CCDC158: variants seen among roughly 807,000 people sequenced by gnomAD.
CCDC158 encodes the protein coiled-coil domain containing 158.
Under a neutral mutation model 138.6 loss-of-function variants are expected in CCDC158, and 116 were observed. That is an observed-to-expected ratio of 0.84 (90% CI 0.72 to 0.98). CCDC158 has a LOEUF of 0.98. CCDC158 is among the 50% of genes least tolerant of loss of function. CCDC158 has a pLI of 0.00. For synonymous variants in CCDC158, 436 were observed against 442.4 expected, an observed-to-expected ratio of 0.99 and a Z score of 0.18; for missense variants, 1,265 against 1,306.1, an observed-to-expected ratio of 0.97 and a Z score of 0.48.
At chr4:76,376,959 T>G (rs1725776324) in intron 9 of CCDC158, among the ~76,000 whole-genome samples, 1 of 152,260 alleles carries the variant, frequency 6.6e-6, no homozygotes, top group South Asian at 2.1e-4. Flanking sequence ...AAGAGAATGA[T>G]TCTAATATCA....
In CCDC158 at chr4:76,332,789, A is replaced by G. The variant is rs1578885074; in HGVS notation, c.2823-298T>C. On this transcript the variant is annotated intron_variant, in intron 19 of 24. Coordinates refer to ENST00000682701, the MANE Select transcript of CCDC158 (RefSeq NM_001394954.1). ...GTAGGGATCAAATATATTCACGTTC[A>G]ATACAGTCCAATAGCGTCCAAGCCC... is the stretch of plus-strand genomic sequence containing the variant. Among the ~76,000 whole-genome samples, 3 of 152,344 alleles carry G rather than the reference A, an allele frequency of 2.0e-5. No individual in the cohort carries two copies. The South Asian group carries it at 6.2e-4, about 32-fold the overall frequency.
chr4:76,366,698 T>C (rs1724703993), intron 12 of CCDC158, among the ~76,000 whole-genome samples: 1 of 151,358 alleles, frequency 6.6e-6, no homozygotes, highest in East Asian at 1.9e-4. Flanking sequence ...CAGGTACAAA[T>C]AAAGTATGAG....
At chr4:76,380,362 A>G (rs2110293300) in intron 8 of CCDC158, among the ~76,000 whole-genome samples, 1 of 152,224 alleles carries the variant, frequency 6.6e-6, no homozygotes, top group East Asian at 1.9e-4. Flanking sequence ...GAGATGAGGA[A>G]CTTCTTGGGA....
Position 76,384,400 on chromosome 4 carries a change from C to T in CCDC158, c.414G>A (p.Gln138=). Residue 138 remains glutamine (Q), a synonymous_variant, in exon 6 of 25, where the codon CAG becomes CAA. Coordinates refer to ENST00000682701, the MANE Select transcript of CCDC158 (RefSeq NM_001394954.1). ...AMADIRRRES[Q]SQEDLRNQLQ... is the part of the protein sequence containing the mutation. ...GCTGATTTCTTAAATCCTCCTGGGA[C>T]TGACTCTCCCTTCGTCTATGAAATA... 2 of 1,611,826 alleles carry T rather than the reference C, an allele frequency of 1.2e-6. No individual in the cohort carries two copies. The highest frequency in any genetic ancestry group is 1.7e-6 in the Non-Finnish European group (2 of 1,178,356).
chr4:76,395,476 C>A (rs374713114), intron 4 of CCDC158, among the ~76,000 whole-genome samples: 3 of 151,986 alleles, frequency 2.0e-5, no homozygotes, highest in African/African-American at 7.3e-5. Context: ...GGAGAGCACA[C>A]CTAATGTCAT....
chr4:76,323,468 A>G, intron 23 of CCDC158, 59 bp from the exon 24 acceptor site: 1 of 1,305,152 alleles, frequency 7.7e-7, no homozygotes, highest in Non-Finnish European at 1.1e-6. Flanking sequence ...CCTTTTAGAA[A>G]TCTTTGAATT....
At chr4:76,361,042 T>C (rs146135944) in intron 13 of CCDC158, among the ~76,000 whole-genome samples, 20 of 152,300 alleles carry the variant, frequency 1.3e-4, no homozygotes, top group African/African-American at 4.6e-4. Context: ...TCCCCTTTGC[T>C]GTTCTCATGA....
rs1383479679 is a variant in CCDC158 at position 76,383,743 on chromosome 4, T to C, written c.727-5A>G. The stretch of plus-strand genomic sequence containing the variant: ...TGCTTCAAGTTGATCCTCTACCTGG[T>C]TTTTAAAAAGAGACACTGATTTAGT... On this transcript the variant is annotated splice_polypyrimidine_tract_variant and splice_region_variant and intron_variant, in intron 6 of 24. Transcript: ENST00000682701. The C allele has an allele frequency of 1.2e-6, 2 of 1,608,330 alleles. No individual in the cohort carries two copies. Among genetic ancestry groups the C allele is most frequent in the Non-Finnish European group, 1.7e-6 (2 of 1,175,110 alleles).
At chr4:76,331,314 A>C (rs760486186) in intron 21 of CCDC158, 30 bp downstream of exon 21, 1 of 1,593,514 alleles carries the variant, frequency 6.3e-7, no homozygotes, top group Non-Finnish European at 8.6e-7. Context: ...TAAAAGGGAC[A>C]TTTTGAAAAT....
chr4:76,373,789 T>C (rs186068556), intron 9 of CCDC158, among the ~76,000 whole-genome samples: 30 of 152,316 alleles, frequency 2.0e-4, no homozygotes, highest in African/African-American at 7.2e-4. Context: ...CTAAACTGAC[T>C]TTGTATCTGG....
chr4:76,336,665 T>G (rs558970384), intron 18 of CCDC158, among the ~76,000 whole-genome samples: 1 of 152,272 alleles, frequency 6.6e-6, no homozygotes, highest in South Asian at 2.1e-4. Context: ...CCTGGGGTCA[T>G]AAGAAACAAG....
At chr4:76,368,314 C>T (rs955767120) in intron 11 of CCDC158, among the ~76,000 whole-genome samples, 1 of 152,096 alleles carries the variant, frequency 6.6e-6, no homozygotes, top group Non-Finnish European at 1.5e-5. Flanking sequence ...TTTAATTCTA[C>T]CTCTGAGGAA....
At chr4:76,415,482 G>A (rs980623749) in intron 1 of CCDC158, among the ~76,000 whole-genome samples, 22 of 152,174 alleles carry the variant, frequency 1.4e-4, no homozygotes, top group South Asian at 2.1e-4. Flanking sequence ...TCCAGGTGCC[G>A]AGGCAAGAGA....
intron 3 of CCDC158, among the ~76,000 whole-genome samples, chr4:76,398,591 C>T (rs1354090572): frequency 1.4e-5 from 2 of 146,356 alleles, no homozygotes; most frequent in African/African-American, 2.5e-5. Context: ...CATTTGAACC[C>T]GGAAAGCAGA....
At chr4:76,408,693 T>C (rs1014224120) in intron 2 of CCDC158, among the ~76,000 whole-genome samples, 1 of 152,176 alleles carries the variant, frequency 6.6e-6, no homozygotes, top group African/African-American at 2.4e-5. Context: ...ATCCTTTGCA[T>C]ATATACCCAG....
intron 13 of CCDC158, among the ~76,000 whole-genome samples, chr4:76,361,072 C>A (rs949007615): frequency 2.0e-5 from 3 of 152,060 alleles, no homozygotes; most frequent in African/African-American, 7.2e-5. Context: ...AGTTCTCATG[C>A]GATCTGGTTG....
At chr4:76,336,262 T>C (rs180749115) in intron 18 of CCDC158, among the ~76,000 whole-genome samples, 5 of 151,132 alleles carry the variant, frequency 3.3e-5, no homozygotes, top group African/African-American at 1.2e-4. Context: ...CCTATGACAT[T>C]CTTTTATTGA....
chr4:76,401,361 G>C, intron 3 of CCDC158: 2 of 505,000 alleles, frequency 4.0e-6, no homozygotes, highest in Non-Finnish European at 7.8e-6. Context: ...TATGCCCAGA[G>C]AAAGCAGCAT....
chr4:76,321,887 T>C (rs2110076263), intron 24 of CCDC158, among the ~76,000 whole-genome samples: 1 of 151,240 alleles, frequency 6.6e-6, no homozygotes. Context: ...ACCATTATTC[T>C]AAGTGAAGTA....
Sources: allele counts gnomAD v4.1 joint callset (sites outside exome capture counted in the v4.1 genomes callset), GRCh38; gene constraint gnomAD v4.1.1; transcripts MANE v1.5; gene names NCBI Gene and HGNC (gene_info 2026-07-23, HGNC 2026-07-21).